GID4: variants seen among roughly 807,000 people sequenced by gnomAD.
GID4 encodes GID complex subunit 4 homolog.
Under a neutral mutation model 32.4 loss-of-function variants are expected in GID4, and 7 were observed. The ratio of observed to expected loss-of-function variants is 0.22; its 90% confidence interval spans 0.12 to 0.41. The LOEUF (loss-of-function observed/expected upper bound fraction) is 0.41. Ranked by LOEUF, GID4 falls within the 10% of genes least tolerant of loss-of-function variation. GID4 has a pLI of 1.00. For synonymous variants in GID4, 166 were observed against 170.0 expected, an observed-to-expected ratio of 0.98 and a Z score of 0.18; for missense variants, 309 against 400.0, an observed-to-expected ratio of 0.77 and a Z score of 1.94.
At chr17:18,047,719 T>C (rs1386003943) in intron 2 of GID4, among the ~76,000 whole-genome samples, 2 of 152,244 alleles carry the variant, frequency 1.3e-5, no homozygotes, top group African/African-American at 4.8e-5. Context: ...GACCACGTTA[T>C]GCTGCTGCAG....
At position 18,066,372 on chromosome 17, in the gene GID4, CAG is replaced by C. The variant is rs1385297194; in HGVS notation, c.*1130_*1131del. The C allele has an allele frequency of 6.6e-6, 1 of 152,022 alleles. No individual in the cohort carries two copies. The highest frequency in any genetic ancestry group is 2.4e-5 in the African/African-American group (1 of 41,004). 9.4% of individuals were successfully genotyped at this position (152,022 alleles called of 1,614,324 possible). ...AGAAGGGGTCGTCGTTCTCTGAAAA[CAG>C]TGACTCTGAAATGTTGGGACAGGGG... On this transcript the variant is annotated 3_prime_UTR_variant, in exon 6 of 6. Transcript: ENST00000268719.
At position 18,061,513 on chromosome 17, in the gene GID4, AAGAT is replaced by A. The variant is rs1439552335; in HGVS notation, c.709-328_709-325del. ...CAGGTTGATTGTCTGTGGTCTCTGA[AAGAT>A]AGAGAGGCAGGCAGACAGGCAGGTG... On this transcript the variant is annotated intron_variant, in intron 4 of 5. Coordinates refer to ENST00000268719, the MANE Select transcript of GID4 (RefSeq NM_024052.5). This position sits in a 1 kb window ranked among gnomAD's most constrained non-coding sequence, Gnocchi z 4.4. 1.3e-5 allele frequency among the ~76,000 whole-genome samples: 2 copies of A among 152,172 alleles called. No individual in the cohort carries two copies. The highest frequency in any genetic ancestry group is 2.4e-5 in the African/African-American group (1 of 41,440).
chr17:18,064,501 A>G (rs1472388146), intron 5 of GID4, among the ~76,000 whole-genome samples: 1 of 152,180 alleles, frequency 6.6e-6, no homozygotes, highest in Non-Finnish European at 1.5e-5. Context: ...TGAAACAAGT[A>G]GGGGAGAGCC....
intron 5 of GID4, 42 bp downstream of exon 5, chr17:18,062,017 GC>G: frequency 6.2e-7 from 1 of 1,603,234 alleles, no homozygotes; most frequent in Non-Finnish European, 8.5e-7. Context: ...AGGGCTTGCT[GC>G]CCAGCTGGCT....
intron 3 of GID4, among the ~76,000 whole-genome samples, chr17:18,057,633 CTCTT>C (rs998111642): frequency 1.8e-4 from 28 of 152,172 alleles, no homozygotes; most frequent in African/African-American, 6.7e-4. Context: ...CTTCCTGAAT[CTCTT>C]TTGGGTATAC....
intron 2 of GID4, among the ~76,000 whole-genome samples, chr17:18,046,922 CAAA>C (rs71155311): frequency 0.46 from 53,699 of 115,510 alleles, 11,123 homozygotes; most frequent in Non-Finnish European, 0.51. Flanking sequence ...AACTTTGTCT[CAAA>C]AAAAAAAAAA....
intron 2 of GID4, among the ~76,000 whole-genome samples, chr17:18,051,431 C>G (rs2044908259): frequency 6.6e-6 from 1 of 152,198 alleles, no homozygotes; most frequent in South Asian, 2.1e-4. Context: ...GTAATCCCAG[C>G]ACTTTGGGAG....
chr17:18,044,273 A>G (rs1026854646), intron 1 of GID4, among the ~76,000 whole-genome samples: 2 of 152,214 alleles, frequency 1.3e-5, no homozygotes, highest in Non-Finnish European at 2.9e-5. Flanking sequence ...GCAAGGGGAT[A>G]GGGACACCTG....
chr17:18,040,303 C>G (rs2044781507), intron 1 of GID4, among the ~76,000 whole-genome samples: 1 of 152,194 alleles, frequency 6.6e-6, no homozygotes, highest in Admixed American at 6.5e-5. Flanking sequence ...TTTCACCAGA[C>G]TTGGGACCCT....
chr17:18,039,448 AGTGTCTGTGT>A lies in GID4; in HGVS notation c.-12_-3del. The A allele has an allele frequency of 7.3e-7, 1 of 1,378,596 alleles. No homozygotes were observed. The allele number at this position is 1,378,596 out of a possible 1,614,324, so 85.4% of individuals were successfully genotyped here. Reference sequence around the variant, plus strand: ...TGTGTTTGTGTGTTGTGTGTCTGTGAGTGTCTGTGTGTGTGTATGTGTGCGCGAGGGCAAG... The same window carrying A: ...TGTGTTTGTGTGTTGTGTGTCTGTGAGTGTGTATGTGTGCGCGAGGGCAAG... On this transcript the variant is annotated 5_prime_UTR_variant, in exon 1 of 6. Coordinates refer to ENST00000268719, the MANE Select transcript of GID4 (RefSeq NM_024052.5). The surrounding 1 kb of genome is among the most constrained non-coding windows in gnomAD (Gnocchi z 5.3).
chr17:18,052,423 G>GT (rs2044920776), intron 2 of GID4, among the ~76,000 whole-genome samples: 1 of 152,168 alleles, frequency 6.6e-6, no homozygotes, highest in Non-Finnish European at 1.5e-5. Context: ...GGCCAGGTTG[G>GT]TAGATGTGGC....
At chr17:18,059,610 C>T (rs1361045821) in intron 4 of GID4, among the ~76,000 whole-genome samples, 1 of 152,158 alleles carries the variant, frequency 6.6e-6, no homozygotes, top group Non-Finnish European at 1.5e-5. Context: ...GTGATATTTA[C>T]AGCCCCAGAA....
intron 1 of GID4, among the ~76,000 whole-genome samples, chr17:18,042,214 A>C (rs1158551101): frequency 6.6e-6 from 1 of 152,126 alleles, no homozygotes; most frequent in East Asian, 1.9e-4. Context: ...TGTACAATTC[A>C]ATAGTTTTTA....
intron 1 of GID4, among the ~76,000 whole-genome samples, chr17:18,042,774 C>G (rs978893480): frequency 2.0e-5 from 3 of 152,170 alleles, no homozygotes; most frequent in Non-Finnish European, 2.9e-5. Flanking sequence ...GGTGAGGGTT[C>G]CAGTTTCTCC....
intron 2 of GID4, among the ~76,000 whole-genome samples, chr17:18,048,124 A>C (rs1290514229): frequency 2.0e-5 from 3 of 151,568 alleles, no homozygotes; most frequent in Admixed American, 6.6e-5. Context: ...GATGGTCTCG[A>C]TCTCCTGACC....
At chr17:18,049,956 A>T (rs2044894071) in intron 2 of GID4, among the ~76,000 whole-genome samples, 1 of 152,178 alleles carries the variant, frequency 6.6e-6, no homozygotes, top group African/African-American at 2.4e-5. Context: ...CTCATCATTT[A>T]GCTCCTACTT....
At chr17:18,048,345 G>A (rs556166370) in intron 2 of GID4, among the ~76,000 whole-genome samples, 43 of 152,120 alleles carry the variant, frequency 2.8e-4, no homozygotes, top group African/African-American at 5.5e-4. Flanking sequence ...ACAGGCGTGC[G>A]CCACCCTGCC....
Position 18,061,917 on chromosome 17 carries a change from T to A in GID4, c.781T>A (p.Cys261Ser), listed in dbSNP as rs775732469. Residue 261 changes from cysteine to serine, a missense_variant, in exon 5 of 6, where the codon TGC becomes AGC. Cys to Ser is a moderately radical substitution (Grantham distance 112). Transcript: ENST00000268719. This position sits in a 1 kb window ranked among gnomAD's most constrained non-coding sequence, Gnocchi z 4.4. ...GASFAGFYYI[C>S]FQKSAASIEG... ...TTCTTTTGCCGGGTTCTACTACATCTGCTTTCAGAAGTCAGCAGCCTCCAT... is the reference window on the plus strand; with the variant it reads ...TTCTTTTGCCGGGTTCTACTACATCAGCTTTCAGAAGTCAGCAGCCTCCAT... 5.0e-6 allele frequency: 8 copies of A among 1,614,036 alleles called. No individual in the cohort carries two copies. The South Asian group carries it at 8.8e-5, about 18-fold the overall frequency.
intron 3 of GID4, among the ~76,000 whole-genome samples, chr17:18,054,910 G>A (rs1350198364): frequency 2.0e-5 from 3 of 152,116 alleles, no homozygotes; most frequent in South Asian, 2.1e-4. Context: ...GTTGGCTTGC[G>A]CCTGTAATCC....
Sources: gnomAD v4.1 joint callset for allele counts (sites outside exome capture counted in the v4.1 genomes callset) on GRCh38, gnomAD v4.1.1 for gene constraint, Gnocchi (gnomAD v3.1) non-coding constraint, MANE v1.5 for transcripts, NCBI Gene and HGNC (gene_info 2026-07-23, HGNC 2026-07-21) for gene names.